KIAA0232: variants seen among roughly 807,000 people sequenced by gnomAD.
KIAA0232 encodes uncharacterized protein KIAA0232.
KIAA0232 carries 27 observed loss-of-function variants against 122.0 expected under a neutral mutation model. That is an observed-to-expected ratio of 0.22 (90% CI 0.16 to 0.31). The LOEUF (loss-of-function observed/expected upper bound fraction) is 0.31. KIAA0232 is among the 10% of genes least tolerant of loss of function. The pLI, the probability that KIAA0232 is intolerant of heterozygous loss-of-function variation, is 1.00. For synonymous variants in KIAA0232, 613 were observed against 587.6 expected, an observed-to-expected ratio of 1.04 and a Z score of -0.63; for missense variants, 1,551 against 1,634.2, an observed-to-expected ratio of 0.95 and a Z score of 0.88.
chr4:6,803,032 A>AC (rs1344369528), intron 1 of KIAA0232, among the ~76,000 whole-genome samples: 1 of 140,502 alleles, frequency 7.1e-6, no homozygotes, highest in Non-Finnish European at 1.5e-5. Context: ...AAAAAAAAAA[A>AC]AGCCAGGTTT....
rs749952954 is a variant in KIAA0232 at position 6,855,810 on chromosome 4, T to A, written c.370-1354T>A. ...CATAGGCTTGCTGTACAGAACAGTA[T>A]GCAGTGTGTCAGCTGACACTGGTGT... is the stretch of plus-strand genomic sequence containing the variant. On this transcript the variant is annotated intron_variant, in intron 4 of 9. Transcript: ENST00000307659. This position sits in a 1 kb window ranked among gnomAD's most constrained non-coding sequence, Gnocchi z 4.3. 5 of 983,034 alleles carry A rather than the reference T, an allele frequency of 5.1e-6. No individual in the cohort carries two copies. In the South Asian group the frequency reaches 1.4e-4, roughly 28 times the overall value. 60.9% of individuals were successfully genotyped at this position (983,034 alleles called of 1,614,324 possible). A position where few individuals can be genotyped will look rare whatever the true frequency, so the allele number is the denominator to read the frequency against.
intron 2 of KIAA0232, among the ~76,000 whole-genome samples, chr4:6,819,280 C>T (rs1449646166): frequency 1.3e-5 from 2 of 152,144 alleles, no homozygotes; most frequent in South Asian, 2.1e-4. Flanking sequence ...ATAGAGTAAA[C>T]GGTGTACAGT....
intron 4 of KIAA0232, among the ~76,000 whole-genome samples, chr4:6,844,652 T>A (rs985517321): frequency 6.6e-6 from 1 of 152,112 alleles, no homozygotes; most frequent in Non-Finnish European, 1.5e-5. Flanking sequence ...GCCAGGCTGG[T>A]CTCAAACTCC....
intron 1 of KIAA0232, among the ~76,000 whole-genome samples, chr4:6,803,222 T>C (rs573157896): frequency 6.6e-6 from 1 of 151,024 alleles, no homozygotes; most frequent in Admixed American, 6.6e-5. Flanking sequence ...TATATATATA[T>C]ATATATGGAC....
chr4:6,825,020 GA>G (rs1718606975), intron 3 of KIAA0232, among the ~76,000 whole-genome samples: 1 of 152,150 alleles, frequency 6.6e-6, no homozygotes, highest in South Asian at 2.1e-4. Flanking sequence ...CTACTATTTA[GA>G]AAACTCACAC....
At chr4:6,878,759 C>G (rs766147967) in intron 9 of KIAA0232, among the ~76,000 whole-genome samples, 11 of 152,154 alleles carry the variant, frequency 7.2e-5, no homozygotes, top group Non-Finnish European at 1.3e-4. Flanking sequence ...TAACTTGAAT[C>G]ACACGGCATG....
chr4:6,836,505 A>G (rs1374539584), intron 3 of KIAA0232, among the ~76,000 whole-genome samples: 1 of 111,474 alleles, frequency 9.0e-6, no homozygotes, highest in Admixed American at 8.3e-5. Flanking sequence ...TAATAATTGT[A>G]TTAAGGGTTG....
rs1719015436 is a variant in KIAA0232, at chr4:6,832,087, A to C, written c.231+7403A>C. 2.0e-5 allele frequency among the ~76,000 whole-genome samples: 3 copies of C among 152,200 alleles called. No homozygotes were observed. In the South Asian group the frequency reaches 6.2e-4, roughly 31 times the overall value. Reference sequence around the variant, plus strand: ...CGTTATTGGCTTTTCTAGTTAATCTAGGCAAGAGAGTTGTGCTGCCACCAA... The same window carrying C: ...CGTTATTGGCTTTTCTAGTTAATCTCGGCAAGAGAGTTGTGCTGCCACCAA... On this transcript the variant is annotated intron_variant, in intron 3 of 9. Transcript: ENST00000307659.
Position 6,881,286 on chromosome 4 carries a change from C to T in KIAA0232, c.*320C>T, listed in dbSNP as rs549446765. ...TCTTAACTGCAGTTAATTTTCCTTC[C>T]GACTGCGGTTATATCACTATGACCT... On this transcript the variant is annotated 3_prime_UTR_variant, in exon 10 of 10. Coordinates refer to ENST00000307659, the MANE Select transcript of KIAA0232 (RefSeq NM_014743.3). 2.2e-4 allele frequency: 41 copies of T among 189,384 alleles called. No homozygotes were observed. The highest frequency in any genetic ancestry group is 4.0e-4 in the Non-Finnish European group (37 of 92,928). 11.7% of individuals were successfully genotyped at this position (189,384 alleles called of 1,614,324 possible). A position where few individuals can be genotyped will look rare whatever the true frequency, so the allele number is the denominator to read the frequency against.
chr4:6,788,225 C>T (rs937141229), intron 1 of KIAA0232, among the ~76,000 whole-genome samples: 5 of 152,060 alleles, frequency 3.3e-5, no homozygotes, highest in African/African-American at 4.8e-5. Context: ...GCTCTGTTGC[C>T]TAGACTGGCT....
At chr4:6,858,645 T>C (rs1720689447) in intron 6 of KIAA0232, 139 bp downstream of exon 6, 1 of 574,464 alleles carries the variant, frequency 1.7e-6, no homozygotes, top group African/African-American at 1.9e-5. Context: ...CGAGCGCTTA[T>C]ATGCTTGACA....
intron 2 of KIAA0232, among the ~76,000 whole-genome samples, chr4:6,812,658 T>C (rs571838394): frequency 6.6e-5 from 10 of 152,228 alleles, no homozygotes; most frequent in African/African-American, 2.2e-4. Flanking sequence ...ATGATAAACA[T>C]GAGAAGAAAG....
At chr4:6,851,742 A>G (rs1047628807) in intron 4 of KIAA0232, among the ~76,000 whole-genome samples, 16 of 148,830 alleles carry the variant, frequency 1.1e-4, no homozygotes, top group African/African-American at 3.2e-4. Flanking sequence ...AAAAAAAAAA[A>G]GCGGGGAGGG....
chr4:6,808,078 AAAG>A lies in KIAA0232; in HGVS notation c.-270+3475_-270+3477del, dbSNP rs200151251. The stretch of plus-strand genomic sequence containing the variant: ...GTGAGACTATGTCTCAAAAAAGAAA[AAAG>A]AAAATAACAGACAAGAATTATTTAT... On this transcript the variant is annotated intron_variant, in intron 2 of 9. Coordinates refer to ENST00000307659, the MANE Select transcript of KIAA0232 (RefSeq NM_014743.3). Among the ~76,000 whole-genome samples, 1,088 of 151,440 alleles carry A rather than the reference AAAG, an allele frequency of 7.2e-3. 9 individuals carry two copies. The highest frequency in any genetic ancestry group is 0.025 in the African/African-American group (1,033 of 40,746).
intron 3 of KIAA0232, among the ~76,000 whole-genome samples, chr4:6,829,288 G>T (rs531151436): frequency 1.8e-4 from 27 of 152,206 alleles, no homozygotes; most frequent in African/African-American, 5.8e-4. Flanking sequence ...ACGCTGACTT[G>T]GTTTATCATG....
chr4:6,875,327 C>G (rs964912997), intron 8 of KIAA0232, among the ~76,000 whole-genome samples: 1 of 152,202 alleles, frequency 6.6e-6, no homozygotes, highest in Non-Finnish European at 1.5e-5. Flanking sequence ...TACTAGGGCT[C>G]AAAGAGGTTA....
chr4:6,872,057 A>G (rs1170167353), intron 8 of KIAA0232, among the ~76,000 whole-genome samples: 1 of 152,182 alleles, frequency 6.6e-6, no homozygotes, highest in East Asian at 1.9e-4. Context: ...GCTGAGTTGT[A>G]GCTGACGCGG....
At chr4:6,845,920 A>T (rs1457541658) in intron 4 of KIAA0232, among the ~76,000 whole-genome samples, 1 of 152,158 alleles carries the variant, frequency 6.6e-6, no homozygotes, top group Admixed American at 6.5e-5. Context: ...GATGTGAAGA[A>T]CTTAGTATGA....
At chr4:6,853,104 A>G (rs1238460887) in intron 4 of KIAA0232, among the ~76,000 whole-genome samples, 1 of 152,194 alleles carries the variant, frequency 6.6e-6, no homozygotes, top group East Asian at 1.9e-4. Context: ...AAAATTGGGG[A>G]CTGACTGATT....
Sources: allele counts gnomAD v4.1 joint callset (sites outside exome capture counted in the v4.1 genomes callset), GRCh38; gene constraint gnomAD v4.1.1; non-coding constraint Gnocchi (gnomAD v3.1); transcripts MANE v1.5; gene names NCBI Gene and HGNC (gene_info 2026-07-23, HGNC 2026-07-21).